Variants in NMUR1 observed in about 807,000 individuals in gnomAD.
NMUR1 encodes the protein neuromedin-U receptor 1.
Under a neutral mutation model 18.8 loss-of-function variants are expected in NMUR1, and 16 were observed. The ratio of observed to expected loss-of-function variants is 0.85; its 90% CI spans 0.58 to 1.29. The LOEUF (loss-of-function observed/expected upper bound fraction) is 1.29. Among genes scored for constraint, NMUR1 ranks in the 50% most tolerant of loss-of-function variants. The pLI, the probability that NMUR1 is intolerant of heterozygous loss-of-function variation, is 0.00. For missense variants in NMUR1, 529 were observed against 580.3 expected, an observed-to-expected ratio of 0.91 and a Z score of 0.91; for synonymous variants, 258 against 258.2, an observed-to-expected ratio of 1.00 and a Z score of 0.01.
downstream of NMUR1, among the ~76,000 whole-genome samples, chr2:231,520,809 A>T (rs1452043377): frequency 6.6e-6 from 1 of 152,250 alleles, no homozygotes; most frequent in Admixed American, 6.5e-5. Flanking sequence ...GTAGTGCTAC[A>T]CACTTTACCT....
chr2:231,530,100 C>A (rs559617685), intron 1 of NMUR1, among the ~76,000 whole-genome samples: 1 of 152,144 alleles, frequency 6.6e-6, no homozygotes, highest in Non-Finnish European at 1.5e-5. Context: ...CCTCGGGAAC[C>A]AGTTGGGAAC....
intron 1 of NMUR1, among the ~76,000 whole-genome samples, chr2:231,530,087 G>C (rs1473615407): frequency 1.3e-5 from 2 of 152,210 alleles, no homozygotes; most frequent in Non-Finnish European, 2.9e-5. Context: ...AGCAGCGCGG[G>C]AGCCTCGGGA....
Position 231,528,283 on chromosome 2 carries a change from G to C in NMUR1, c.738C>G (p.Ile246Met). The C allele has an allele frequency of 1.2e-6, 2 of 1,613,826 alleles. No individual in the cohort carries two copies. Among genetic ancestry groups the C allele is most frequent in the East Asian group, 4.5e-5 (2 of 44,874 alleles). Residue 246 changes from isoleucine (I) to methionine (M), a missense_variant, in exon 2 of 3, where the codon ATC becomes ATG. Transcript: ENST00000305141. ...ALLFFCLPMA[I>M]MSVLYLLIGL... ...CAATGAGCAGGTAGAGCACGCTCAT[G>C]ATGGCCATGGGCAGGCAGAAGAAGA... is the stretch of plus-strand genomic sequence containing the variant.
At chr2:231,521,237 G>C (rs2047301644), downstream of NMUR1, among the ~76,000 whole-genome samples, 1 of 152,174 alleles carries the variant, frequency 6.6e-6, no homozygotes, top group African/African-American at 2.4e-5. Context: ...AATTAGCCAG[G>C]CATGGTGATG....
chr2:231,530,312 C>G (rs780477792), intron 1 of NMUR1, 47 bp downstream of exon 1: 2 of 1,498,240 alleles, frequency 1.3e-6, no homozygotes, highest in South Asian at 2.5e-5. Context: ...CACCGAGCCC[C>G]GGCCCAGCTG....
chr2:231,529,503 TA>T (rs34385559), intron 1 of NMUR1, among the ~76,000 whole-genome samples: 103,140 of 149,076 alleles, frequency 0.69, 35,720 homozygotes, highest in Middle Eastern at 0.78. Context: ...AATCTACATT[TA>T]AAAAAAAAAA....
intron 2 of NMUR1, among the ~76,000 whole-genome samples, chr2:231,527,313 G>T (rs930067450): frequency 1.3e-5 from 2 of 152,222 alleles, no homozygotes; most frequent in African/African-American, 4.8e-5. Flanking sequence ...ATGCCTCACA[G>T]GCTGCTGCCG....
At chr2:231,519,227 T>C (rs955867758), downstream of NMUR1, among the ~76,000 whole-genome samples, 4 of 152,206 alleles carry the variant, frequency 2.6e-5, no homozygotes, top group African/African-American at 7.2e-5. Flanking sequence ...AGGATGTGGC[T>C]GCAGCTTCCA....
chr2:231,528,871 C>T lies in NMUR1; in HGVS notation c.150G>A (p.Lys50=). Residue 50 remains lysine (K), a synonymous_variant, in exon 2 of 3, where the codon AAG becomes AAA. Coordinates refer to ENST00000305141, the MANE Select transcript of NMUR1 (RefSeq NM_006056.5). The part of the protein sequence containing the change: ...LNLTDEALRL[K]YLGPQQTELF... ...GCTCTGTCTGCTGGGGCCCCAGGTA[C>T]TTGAGTCTCAGTGCCTCGTCAGTCA... The T allele has an allele frequency of 1.2e-6, 2 of 1,614,200 alleles. No individual in the cohort carries two copies. Among genetic ancestry groups the T allele is most frequent in the Middle Eastern group, 1.6e-4 (1 of 6,062 alleles).
downstream of NMUR1, among the ~76,000 whole-genome samples, chr2:231,519,343 G>T (rs1397740348): frequency 3.3e-5 from 5 of 152,164 alleles, no homozygotes; most frequent in Non-Finnish European, 7.3e-5. Context: ...TATGCGTCAG[G>T]CCTTTGATCC....
rs2047340566 is a variant in NMUR1, at chr2:231,525,048, A to T, written c.1276T>A (p.Ser426Thr). 3 of 1,570,004 alleles carry T rather than the reference A, an allele frequency of 1.9e-6. No homozygotes were observed. Among genetic ancestry groups the T allele is most frequent in the Non-Finnish European group, 2.6e-6 (3 of 1,159,098 alleles). ...AAGCCACTTTAAGGCTCCACTCAGG[A>T]TGGATCGGTCTCTTGCTGCGCCTCT... ...GPEAQQETDPS is the reference protein window; with the variant it reads ...GPEAQQETDPT The change falls in exon 3 of 3, where the codon TCC becomes ACC. Residue 426 changes from serine to threonine, a missense_variant. Ser to Thr is a moderately conservative substitution (Grantham distance 58). Transcript: ENST00000305141.
chr2:231,529,925 C>G (rs1300509766), intron 1 of NMUR1, among the ~76,000 whole-genome samples: 1 of 152,256 alleles, frequency 6.6e-6, no homozygotes, highest in Non-Finnish European at 1.5e-5. Flanking sequence ...ACTACAAATG[C>G]TTCATCCACA....
Position 231,529,030 on chromosome 2 carries a change from G to C in NMUR1, c.4-13C>G. 1 of 1,580,136 alleles carries C rather than the reference G, an allele frequency of 6.3e-7. No individual in the cohort carries two copies. The highest frequency in any genetic ancestry group is 8.6e-7 in the Non-Finnish European group (1 of 1,160,870). ...GGCAGAGAGGAGTCTGTGGAACAGAGGGGAGAGATGCCCAGAAAGATCATT... is the reference window on the plus strand; with the variant it reads ...GGCAGAGAGGAGTCTGTGGAACAGACGGGAGAGATGCCCAGAAAGATCATT... On this transcript the variant is annotated splice_polypyrimidine_tract_variant and intron_variant, in intron 1 of 2. Coordinates refer to ENST00000305141, the MANE Select transcript of NMUR1 (RefSeq NM_006056.5).
In NMUR1 at chr2:231,525,444, G is replaced by A; in HGVS notation, c.899-19C>T. On this transcript the variant is annotated intron_variant, in intron 2 of 2. Transcript: ENST00000305141. ...AGGACAACTGCAGGGACAGAGAAGGGAGGCCGAGTGCCCGCCCGAGGCCCC... is the reference window on the plus strand; with the variant it reads ...AGGACAACTGCAGGGACAGAGAAGGAAGGCCGAGTGCCCGCCCGAGGCCCC... 6.3e-7 allele frequency: 1 copy of A among 1,585,532 alleles called. No individual in the cohort carries two copies. The highest frequency in any genetic ancestry group is 8.6e-7 in the Non-Finnish European group (1 of 1,163,876).
chr2:231,521,969 T>TTCTC (rs555323595), downstream of NMUR1, among the ~76,000 whole-genome samples: 633 of 118,488 alleles, frequency 5.3e-3, 27 homozygotes, highest in South Asian at 8.9e-3. Context: ...TTCTTTTTTT[T>TTCTC]TCTCTTTTTT....
In NMUR1 at chr2:231,524,221, C is replaced by G. The variant is rs2125661729; in HGVS notation, c.*822G>C. 1 of 152,396 alleles carries G rather than the reference C, an allele frequency of 6.6e-6. No homozygotes were observed. Among genetic ancestry groups the G allele is most frequent in the South Asian group, 2.1e-4 (1 of 4,832 alleles). 9.4% of individuals were successfully genotyped at this position (152,396 alleles called of 1,614,324 possible). A position where few individuals can be genotyped will look rare whatever the true frequency, so the allele number is the denominator to read the frequency against. On this transcript the variant is annotated 3_prime_UTR_variant, in exon 3 of 3. Coordinates refer to ENST00000305141, the MANE Select transcript of NMUR1 (RefSeq NM_006056.5). ...GCATGACACTGTGGAAAGCCAGCGC[C>G]TCTTTCATTTTTCAGGCAAGGAACC...
In NMUR1 at chr2:231,528,360, G is replaced by A. The variant is rs779328404; in HGVS notation, c.661C>T (p.Leu221=). 7 of 1,613,608 alleles carry A rather than the reference G, an allele frequency of 4.3e-6. No individual in the cohort carries two copies. The African/African-American group carries it at 8.0e-5, about 18-fold the overall frequency. Residue 221 remains leucine, a synonymous_variant, in exon 2 of 3, where the codon CTG becomes TTG. Coordinates refer to ENST00000305141, the MANE Select transcript of NMUR1 (RefSeq NM_006056.5). ...TTGTAGAGGGCCCGTGGGCGGACCA[G>A]CATGCAAACAGCTGAGTCTGGCACT... ...GPVPDSAVCM[L]VRPRALYNMV...
intron 1 of NMUR1, 49 bp from the exon 2 acceptor site, chr2:231,529,066 T>C: frequency 2.6e-6 from 4 of 1,527,908 alleles, no homozygotes; most frequent in Non-Finnish European, 3.5e-6. Context: ...CAGGGAATGC[T>C]GGCTCTGTCC....
rs1392730909 is a variant in NMUR1 at position 231,528,866 on chromosome 2, A to G, written c.155T>C (p.Leu52Pro). The G allele has an allele frequency of 2.5e-6, 4 of 1,614,188 alleles. No homozygotes were observed. The highest frequency in any genetic ancestry group is 1.7e-5 in the Admixed American group (1 of 60,022). ...LTDEALRLKY[L>P]GPQQTELFMP... ...GAACAGCTCTGTCTGCTGGGGCCCC[A>G]GGTACTTGAGTCTCAGTGCCTCGTC... Residue 52 changes from leucine to proline, a missense_variant, in exon 2 of 3, where the codon CTG (leucine) becomes CCG (proline). Coordinates refer to ENST00000305141, the MANE Select transcript of NMUR1 (RefSeq NM_006056.5).
Sources: allele counts gnomAD v4.1 joint callset (sites outside exome capture counted in the v4.1 genomes callset), GRCh38; gene constraint gnomAD v4.1.1; transcripts MANE v1.5; gene names NCBI Gene and HGNC (gene_info 2026-07-23, HGNC 2026-07-21).